Variants in PRR16 observed in about 807,000 individuals in gnomAD.
The protein encoded by PRR16 is protein Largen.
In PRR16, 6 loss-of-function variants were observed where a neutral mutation model predicts 18.2. The ratio of observed to expected loss-of-function variants is 0.33; its 90% confidence interval spans 0.18 to 0.65. The LOEUF is 0.65. Ranked by LOEUF, PRR16 falls within the 30% of genes least tolerant of loss-of-function variation. The pLI is 0.74. For synonymous variants in PRR16, 151 were observed against 147.8 expected (o/e 1.02, Z -0.16); for missense variants, 412 against 376.6 (o/e 1.09, Z -0.78).
At chr5:120,659,708 T>G (rs1756109546) in intron 1 of PRR16, among the ~76,000 whole-genome samples, 1 of 151,942 alleles carries the variant, frequency 6.6e-6, no homozygotes, top group Admixed American at 6.6e-5. Context: ...GAACATGAGG[T>G]TTGAAACTAT....
At chr5:120,758,178 A>G in the PRR16 span, among the ~76,000 whole-genome samples, 1 of 152,264 alleles carries the variant, frequency 6.6e-6, no homozygotes, top group African/African-American at 2.4e-5. Flanking sequence ...TGATGCAAAA[A>G]TAATGGAAAT....
chr5:120,639,683 C>G (rs140579741), intron 1 of PRR16, among the ~76,000 whole-genome samples: 2,043 of 151,944 alleles, frequency 0.013, 14 homozygotes, highest in African/African-American at 0.02. Context: ...CACCTCTACA[C>G]TGTTGATGGG....
At chr5:120,775,166 A>T in the PRR16 span, among the ~76,000 whole-genome samples, 18 of 152,282 alleles carry the variant, frequency 1.2e-4, no homozygotes, top group South Asian at 1.0e-3. Flanking sequence ...TAGACTTTCC[A>T]CTTTAACCAA....
chr5:120,762,064 G>A, the PRR16 span, among the ~76,000 whole-genome samples: 2 of 151,914 alleles, frequency 1.3e-5, no homozygotes, highest in Non-Finnish European at 2.9e-5. Context: ...CTTTTTTATG[G>A]CTATTATTCC....
At chr5:120,528,156 T>C (rs1211297050) in intron 1 of PRR16, among the ~76,000 whole-genome samples, 1 of 152,184 alleles carries the variant, frequency 6.6e-6, no homozygotes, top group African/African-American at 2.4e-5. Flanking sequence ...TGCCTGATGC[T>C]GTGGCACATT....
At chr5:120,616,854 C>T (rs1405469172) in intron 1 of PRR16, among the ~76,000 whole-genome samples, 1 of 152,150 alleles carries the variant, frequency 6.6e-6, no homozygotes, top group Non-Finnish European at 1.5e-5. Context: ...CTGATCAATA[C>T]TCATACTTCT....
At chr5:120,743,436 AG>A in the PRR16 span, among the ~76,000 whole-genome samples, 5 of 152,152 alleles carry the variant, frequency 3.3e-5, no homozygotes, top group African/African-American at 1.2e-4. Flanking sequence ...ATGTCTGCTT[AG>A]TTGGTGTAAT....
intron 1 of PRR16, among the ~76,000 whole-genome samples, chr5:120,503,754 G>A (rs1750546336): frequency 6.6e-6 from 1 of 150,682 alleles, no homozygotes. Context: ...TCGTCATTTA[G>A]CATTAGGTAT....
At chr5:120,545,496 T>G (rs300964) in intron 1 of PRR16, among the ~76,000 whole-genome samples, 72,720 of 151,768 alleles carry the variant, frequency 0.48, 17,799 homozygotes, top group Middle Eastern at 0.55. Context: ...CCTTATACTT[T>G]TTATTCTTCA....
Position 120,580,720 on chromosome 5 carries a change from G to T in PRR16, c.160-105234G>T, listed in dbSNP as rs563891130. Among the ~76,000 whole-genome samples, 5 of 152,228 alleles carry T rather than the reference G, an allele frequency of 3.3e-5. No homozygotes were observed. The South Asian group carries it at 1.0e-3, about 32-fold the overall frequency. On this transcript the variant is annotated intron_variant, in intron 1 of 1. Transcript: ENST00000407149. The stretch of plus-strand genomic sequence containing the variant: ...TCTGCCCACCTCAGCCTCCTAAAGT[G>T]CTGGGATTACAGGAGTGAGGGATTT...
chr5:120,653,609 A>C (rs1755866508), intron 1 of PRR16, among the ~76,000 whole-genome samples: 1 of 152,062 alleles, frequency 6.6e-6, no homozygotes, highest in Non-Finnish European at 1.5e-5. Flanking sequence ...AGCACTGATT[A>C]CCATTTATTT....
chr5:120,793,075 C>A, the PRR16 span, among the ~76,000 whole-genome samples: 3 of 151,858 alleles, frequency 2.0e-5, no homozygotes, highest in African/African-American at 7.2e-5. Flanking sequence ...TGGCTTGAGC[C>A]CAGGAGAAGG....
intron 1 of PRR16, among the ~76,000 whole-genome samples, chr5:120,538,341 G>A (rs187984117): frequency 1.3e-5 from 2 of 152,170 alleles, no homozygotes; most frequent in Non-Finnish European, 2.9e-5. Context: ...AGCATTTTCA[G>A]TTGTATTTCT....
chr5:120,792,409 C>A, the PRR16 span, among the ~76,000 whole-genome samples: 6 of 152,266 alleles, frequency 3.9e-5, no homozygotes, highest in Middle Eastern at 3.4e-3. Context: ...AGTTATTTCA[C>A]TTGTCCATCA....
chr5:120,760,306 T>C, the PRR16 span, among the ~76,000 whole-genome samples: 1 of 152,056 alleles, frequency 6.6e-6, no homozygotes, highest in Non-Finnish European at 1.5e-5. Flanking sequence ...TATGGTGACA[T>C]ATAGAAATAA....
intron 1 of PRR16, among the ~76,000 whole-genome samples, chr5:120,655,529 A>G (rs1755939799): frequency 6.6e-6 from 1 of 151,894 alleles, no homozygotes; most frequent in African/African-American, 2.4e-5. Flanking sequence ...TAGAAGTAGT[A>G]GTTTGACAAT....
chr5:120,791,616 TATCTATCC>T, the PRR16 span, among the ~76,000 whole-genome samples: 10 of 149,510 alleles, frequency 6.7e-5, no homozygotes, highest in African/African-American at 2.5e-4. Context: ...TCTATCTATC[TATCTATCC>T]ATCCATCTAT....
At chr5:120,687,727 T>C (rs983493318), downstream of PRR16, among the ~76,000 whole-genome samples, 1 of 152,154 alleles carries the variant, frequency 6.6e-6, no homozygotes, top group South Asian at 2.1e-4. Flanking sequence ...TTGGCGTAAG[T>C]TTTTCCCCCT....
chr5:120,636,458 C>T (rs918543896), intron 1 of PRR16, among the ~76,000 whole-genome samples: 1 of 152,064 alleles, frequency 6.6e-6, no homozygotes, highest in South Asian at 2.1e-4. Flanking sequence ...AATAGAGAAC[C>T]CAGAAATAAA....
Sources: gnomAD v4.1 joint callset for allele counts (sites outside exome capture counted in the v4.1 genomes callset) on GRCh38, gnomAD v4.1.1 for gene constraint, MANE v1.5 for transcripts, NCBI Gene and HGNC (gene_info 2026-07-23, HGNC 2026-07-21) for gene names.